ARHGAP28: variants seen among roughly 807,000 people sequenced by gnomAD.
The protein encoded by ARHGAP28 is Rho GTPase activating protein 28.
ARHGAP28 carries 56 observed loss-of-function variants against 90.7 expected under a neutral mutation model. The ratio of observed to expected loss-of-function variants is 0.62; its 90% CI spans 0.50 to 0.77. The LOEUF (loss-of-function observed/expected upper bound fraction) is 0.77, where lower values mean the gene tolerates loss of function less well. Ranked by LOEUF, ARHGAP28 falls within the 30% of genes least tolerant of loss-of-function variation. The probability of loss-of-function intolerance (pLI) is 0.00; values close to 1 mark genes in which losing one functional copy is unlikely to be tolerated. For synonymous variants in ARHGAP28, 308 were observed against 323.3 expected, an observed-to-expected ratio of 0.95 and a Z score of 0.51; for missense variants, 869 against 900.9, an observed-to-expected ratio of 0.96 and a Z score of 0.45.
intron 5 of ARHGAP28, among the ~76,000 whole-genome samples, chr18:6,862,818 G>A (rs1444046628): frequency 1.3e-5 from 2 of 152,142 alleles, no homozygotes; most frequent in African/African-American, 2.4e-5. Flanking sequence ...CCATTTATGT[G>A]TGTCTTCTAT....
chr18:6,747,090 C>A (rs1241232445), intron 1 of ARHGAP28, among the ~76,000 whole-genome samples: 3 of 138,958 alleles, frequency 2.2e-5, no homozygotes, highest in Non-Finnish European at 3.1e-5. Context: ...TTTTTTTTAG[C>A]AAACATTAAT....
chr18:6,860,917 A>G (rs1276306332), intron 5 of ARHGAP28, among the ~76,000 whole-genome samples: 28 of 152,222 alleles, frequency 1.8e-4, no homozygotes, highest in Admixed American at 1.8e-3. Flanking sequence ...ACAATATCTG[A>G]CCCACTGACT....
rs538727976 is a variant in ARHGAP28 at position 6,864,568 on chromosome 18, T to A, written c.727-3582T>A. On this transcript the variant is annotated intron_variant, in intron 5 of 17. Transcript: ENST00000383472. ...TTATTTACATTATAATTTTAAATTA[T>A]CTGTGATGGTAAATATTACTCATTT... 9.2e-5 allele frequency among the ~76,000 whole-genome samples: 14 copies of A among 152,366 alleles called. No individual in the cohort carries two copies. In the South Asian group the frequency reaches 2.9e-3, roughly 32 times the overall value.
chr18:6,898,861 C>A, intron 16 of ARHGAP28: 1 of 688,444 alleles, frequency 1.5e-6, no homozygotes, highest in Non-Finnish European at 1.9e-6. Context: ...AAGAATGACA[C>A]CATGGACTTT....
intron 10 of ARHGAP28, among the ~76,000 whole-genome samples, chr18:6,876,637 GTCTT>G (rs1321679814): frequency 6.6e-6 from 1 of 152,176 alleles, no homozygotes; most frequent in East Asian, 1.9e-4. Context: ...TGTTATATGA[GTCTT>G]TATTTCCATC....
intron 4 of ARHGAP28, among the ~76,000 whole-genome samples, chr18:6,858,549 C>T (rs1600254269): frequency 6.7e-6 from 1 of 148,172 alleles, no homozygotes; most frequent in Non-Finnish European, 1.5e-5. Flanking sequence ...AAATTTCTTT[C>T]TTTTTTTTTT....
chr18:6,831,269 TACTG>T (rs1328742882), intron 2 of ARHGAP28, among the ~76,000 whole-genome samples: 4 of 152,152 alleles, frequency 2.6e-5, no homozygotes, highest in Non-Finnish European at 4.4e-5. Flanking sequence ...AACTTTTTAT[TACTG>T]ACTTTTTATT....
At chr18:6,730,791 T>C (rs1393975190) in intron 1 of ARHGAP28, among the ~76,000 whole-genome samples, 2 of 152,226 alleles carry the variant, frequency 1.3e-5, no homozygotes, top group Non-Finnish European at 2.9e-5. Flanking sequence ...AATGTGACTA[T>C]CTGATCCACT....
intron 1 of ARHGAP28, among the ~76,000 whole-genome samples, chr18:6,777,750 G>GTGAA (rs374977705): frequency 1.1e-4 from 16 of 150,748 alleles, no homozygotes; most frequent in Admixed American, 2.6e-4. Flanking sequence ...GAATGAATGA[G>GTGAA]TGAATGAATG....
At chr18:6,805,579 G>A (rs528096830) in intron 1 of ARHGAP28, among the ~76,000 whole-genome samples, 104 of 139,446 alleles carry the variant, frequency 7.5e-4, no homozygotes, top group African/African-American at 2.8e-3. Flanking sequence ...TCTGCCTCCC[G>A]GGTTCAAACG....
intron 3 of ARHGAP28, among the ~76,000 whole-genome samples, chr18:6,841,190 T>TCTCTCTCTC: frequency 1.5e-5 from 1 of 66,540 alleles, no homozygotes; most frequent in South Asian, 6.8e-4. Flanking sequence ...CCTCTCTCTC[T>TCTCTCTCTC]CTCTCTCTCT....
intron 1 of ARHGAP28, among the ~76,000 whole-genome samples, chr18:6,744,121 C>G (rs941181069): frequency 1.3e-5 from 2 of 152,030 alleles, no homozygotes; most frequent in Non-Finnish European, 2.9e-5. Flanking sequence ...GAAGGGTTAA[C>G]AAAAACTTCT....
At chr18:6,794,012 A>C (rs544523375) in intron 1 of ARHGAP28, among the ~76,000 whole-genome samples, 16 of 152,306 alleles carry the variant, frequency 1.1e-4, no homozygotes, top group African/African-American at 3.6e-4. Flanking sequence ...GATAACAAAC[A>C]CCATTAAACT....
chr18:6,750,640 G>T (rs577102718), intron 1 of ARHGAP28, among the ~76,000 whole-genome samples: 1 of 152,364 alleles, frequency 6.6e-6, no homozygotes, highest in East Asian at 1.9e-4. Context: ...TGTGTCACAA[G>T]ATGGTGGAGG....
chr18:6,782,754 G>C (rs1380316327), intron 1 of ARHGAP28, among the ~76,000 whole-genome samples: 4 of 150,464 alleles, frequency 2.7e-5, no homozygotes, highest in Non-Finnish European at 4.4e-5. Context: ...CCAGCCAAGA[G>C]ATTAATTATA....
At chr18:6,866,620 C>T (rs2057039924) in intron 5 of ARHGAP28, among the ~76,000 whole-genome samples, 1 of 152,128 alleles carries the variant, frequency 6.6e-6, no homozygotes, top group Non-Finnish European at 1.5e-5. Context: ...TTTCGTAATG[C>T]TTTGTAAGTG....
chr18:6,821,580 A>G (rs2056627178), intron 1 of ARHGAP28, among the ~76,000 whole-genome samples: 1 of 152,304 alleles, frequency 6.6e-6, no homozygotes, highest in South Asian at 2.1e-4. Flanking sequence ...CCCTGGGGTG[A>G]AGGAAAAACA....
chr18:6,907,342 C>G (rs1427750954), intron 16 of ARHGAP28, among the ~76,000 whole-genome samples: 1 of 148,288 alleles, frequency 6.7e-6, no homozygotes, highest in African/African-American at 2.5e-5. Flanking sequence ...TGTTCACACA[C>G]AAACCTGTTC....
intron 11 of ARHGAP28, among the ~76,000 whole-genome samples, chr18:6,886,058 T>A (rs1264130241): frequency 6.6e-6 from 1 of 152,132 alleles, no homozygotes; most frequent in Non-Finnish European, 1.5e-5. Flanking sequence ...TGATCCTCCC[T>A]CTCTCCCCAT....
Sources: gnomAD v4.1 joint callset for allele counts (sites outside exome capture counted in the v4.1 genomes callset) on GRCh38, gnomAD v4.1.1 for gene constraint, MANE v1.5 for transcripts, NCBI Gene and HGNC (gene_info 2026-07-23, HGNC 2026-07-21) for gene names.